TOMM5: variants seen among roughly 807,000 people sequenced by gnomAD.
TOMM5 encodes translocase of outer mitochondrial membrane 5.
In TOMM5, 1 loss-of-function variant was observed where a neutral mutation model predicts 4.8. The observed-to-expected ratio is 0.21, with a 90% CI of 0.07 to 0.99. The LOEUF (loss-of-function observed/expected upper bound fraction) is 0.99. Ranked by LOEUF, TOMM5 falls within the 50% of genes least tolerant of loss-of-function variation. The pLI is 0.60. For missense variants in TOMM5, 60 were observed against 66.6 expected (o/e 0.90, Z 0.35); for synonymous variants, 26 against 26.7 (o/e 0.97, Z 0.08).
At chr9:37,589,630 A>T (rs559981318) in intron 1 of TOMM5, among the ~76,000 whole-genome samples, 4 of 151,940 alleles carry the variant, frequency 2.6e-5, no homozygotes, top group South Asian at 2.1e-4. Flanking sequence ...TTATTTATTT[A>T]TTTTTTTCAG....
chr9:37,590,904 AC>A, intron 1 of TOMM5, among the ~76,000 whole-genome samples: 1 of 152,370 alleles, frequency 6.6e-6, no homozygotes, highest in East Asian at 1.9e-4. Context: ...CCTAAGCCCA[AC>A]ATGAGCCTTC....
Position 37,588,471 on chromosome 9 carries a change from G to A in TOMM5, c.*427C>T. 1 of 281,972 alleles carries A rather than the reference G, an allele frequency of 3.5e-6. No homozygotes were observed. The highest frequency in any genetic ancestry group is 8.9e-5 in the East Asian group (1 of 11,248). 17.5% of individuals were successfully genotyped at this position (281,972 alleles called of 1,614,324 possible). On this transcript the variant is annotated 3_prime_UTR_variant, in exon 2 of 2. Coordinates refer to ENST00000321301, the MANE Select transcript of TOMM5 (RefSeq NM_001001790.3). ...ACTAATAATGATCCTGTGCTTAAAT[G>A]TCATTGTGGTTGTGTGCTGATTTCC...
intron 1 of TOMM5, among the ~76,000 whole-genome samples, chr9:37,591,374 T>G (rs1346351697): frequency 6.6e-6 from 1 of 152,128 alleles, no homozygotes; most frequent in Non-Finnish European, 1.5e-5. Context: ...GCAAAACTTT[T>G]TGGATTTCAA....
chr9:37,589,976 A>G (rs575298267), intron 1 of TOMM5, among the ~76,000 whole-genome samples: 5 of 152,328 alleles, frequency 3.3e-5, no homozygotes, highest in Admixed American at 3.3e-4. Context: ...TCCAACAGAA[A>G]CTTATTTAGC....
intron 1 of TOMM5, 127 bp downstream of exon 1, chr9:37,592,285 G>A: frequency 6.4e-7 from 1 of 1,556,850 alleles, no homozygotes; most frequent in Non-Finnish European, 8.7e-7. Context: ...CGCCTTCAAC[G>A]CGCACCCTCC....
At chr9:37,590,614 T>C (rs1039096900) in intron 1 of TOMM5, among the ~76,000 whole-genome samples, 1 of 152,198 alleles carries the variant, frequency 6.6e-6, no homozygotes, top group African/African-American at 2.4e-5. Flanking sequence ...GGGTATATTG[T>C]ATAATATACA....
At chr9:37,590,809 C>T (rs1823088161) in intron 1 of TOMM5, among the ~76,000 whole-genome samples, 1 of 152,138 alleles carries the variant, frequency 6.6e-6, no homozygotes, top group African/African-American at 2.4e-5. Context: ...TTCCCCAAGA[C>T]TCGCTCTTCT....
rs918269073 is a variant in TOMM5 at position 37,592,109 on chromosome 9, C to T, written c.121+303G>A. The T allele has an allele frequency of 2.7e-5, 29 of 1,083,550 alleles. No homozygotes were observed. The African/African-American group carries it at 4.1e-4, about 15-fold the overall frequency. 67.1% of individuals were successfully genotyped at this position (1,083,550 alleles called of 1,614,324 possible). A position where few individuals can be genotyped will look rare whatever the true frequency, so the allele number is the denominator to read the frequency against. On this transcript the variant is annotated intron_variant, in intron 1 of 1. Coordinates refer to ENST00000321301, the MANE Select transcript of TOMM5 (RefSeq NM_001001790.3). ...ACCCCAAATGATCCGCCCGCCTCGG[C>T]TTCACAAAGTGCTGGGTGGGATTAC...
Position 37,588,658 on chromosome 9 carries a change from G to A in TOMM5, c.*240C>T. On this transcript the variant is annotated 3_prime_UTR_variant, in exon 2 of 2. Transcript: ENST00000321301. ...TTACAATTATACCAGTATTGTCAGA[G>A]GCCAAACGTCACAGGGATAAGGGTA... The A allele has an allele frequency of 3.0e-6, 2 of 669,594 alleles. No homozygotes were observed. Among genetic ancestry groups the A allele is most frequent in the South Asian group, 1.5e-5 (1 of 65,020 alleles). 41.5% of individuals were successfully genotyped at this position (669,594 alleles called of 1,614,324 possible). A position where few individuals can be genotyped will look rare whatever the true frequency, so the allele number is the denominator to read the frequency against.
chr9:37,592,356 G>C (rs1243973934), intron 1 of TOMM5, 56 bp downstream of exon 1: 2 of 1,611,458 alleles, frequency 1.2e-6, no homozygotes, highest in African/African-American at 2.7e-5. Flanking sequence ...GAGTTAAGGG[G>C]TGCCCGTCGG....
At chr9:37,591,731 A>G (rs556302039) in intron 1 of TOMM5, among the ~76,000 whole-genome samples, 1 of 151,500 alleles carries the variant, frequency 6.6e-6, no homozygotes, top group African/African-American at 2.4e-5. Context: ...AAAGGGAAGG[A>G]ACCTGGTACT....
In TOMM5 at chr9:37,592,432, T is replaced by C. The variant is rs779919573; in HGVS notation, c.101A>G (p.Tyr34Cys). Residue 34 changes from tyrosine (Y) to cysteine (C), a missense_variant, in exon 1 of 2, where the codon TAC (tyrosine) becomes TGC (cysteine). Physicochemically the swap from Tyr to Cys is radical, Grantham distance 194. Transcript: ENST00000321301. ...CTCACTGACTCGCAGGAGGGCCACG[T>C]AGATGAGAAAGTTCCGTATGGAGGA... ...VISSIRNFLI[Y>C]VALLRVTPFI... 3 of 1,614,106 alleles carry C rather than the reference T, an allele frequency of 1.9e-6. No homozygotes were observed. The highest frequency in any genetic ancestry group is 2.5e-6 in the Non-Finnish European group (3 of 1,180,010).
Position 37,592,436 on chromosome 9 carries a change from T to C in TOMM5, c.97A>G (p.Ile33Val), listed in dbSNP as rs746782579. 2.1e-5 allele frequency: 34 copies of C among 1,613,642 alleles called. No homozygotes were observed. Among genetic ancestry groups the C allele is most frequent in the Non-Finnish European group, 2.9e-5 (34 of 1,179,700 alleles). Residue 33 changes from isoleucine (I) to valine (V), a missense_variant, in exon 1 of 2, where the codon ATC becomes GTC. Ile to Val is a conservative substitution (Grantham distance 29, BLOSUM62 3). Transcript: ENST00000321301. ...CTGACTCGCAGGAGGGCCACGTAGA[T>C]GAGAAAGTTCCGTATGGAGGAGATC... ...DVISSIRNFL[I>V]YVALLRVTPF...
chr9:37,591,143 GTTCTCATTTGTAAAA>G (rs1449467895), intron 1 of TOMM5, among the ~76,000 whole-genome samples: 1 of 152,024 alleles, frequency 6.6e-6, no homozygotes, highest in African/African-American at 2.4e-5. Context: ...TGAAAATCAA[GTTCTCATTTGTAAAA>G]TGATATAAAG....
intron 1 of TOMM5, among the ~76,000 whole-genome samples, chr9:37,589,475 G>C (rs1208381540): frequency 6.6e-6 from 1 of 152,100 alleles, no homozygotes; most frequent in Non-Finnish European, 1.5e-5. Flanking sequence ...CATGTACATA[G>C]AAATGTCTAG....
chr9:37,591,724 G>A (rs1218479774), intron 1 of TOMM5, among the ~76,000 whole-genome samples: 2 of 151,490 alleles, frequency 1.3e-5, no homozygotes, highest in African/African-American at 4.8e-5. Flanking sequence ...AGAAAAGAAA[G>A]GGAAGGAACC....
chr9:37,591,876 C>G (rs950309893), intron 1 of TOMM5, among the ~76,000 whole-genome samples: 1 of 152,102 alleles, frequency 6.6e-6, no homozygotes, highest in African/African-American at 2.4e-5. Context: ...TCTGCAAAAA[C>G]GAGGGAGTTC....
intron 1 of TOMM5, among the ~76,000 whole-genome samples, chr9:37,591,493 C>T (rs1290003311): frequency 6.6e-6 from 1 of 151,814 alleles, no homozygotes; most frequent in African/African-American, 2.4e-5. Context: ...GAGTTCGAGA[C>T]CGGCCTGGCC....
intron 1 of TOMM5, 39 bp downstream of exon 1, chr9:37,592,373 C>A: frequency 6.2e-7 from 1 of 1,613,338 alleles, no homozygotes. Context: ...TCGGTGAGCT[C>A]CCCGCTGGTC....
Sources: gnomAD v4.1 joint callset for allele counts (sites outside exome capture counted in the v4.1 genomes callset) on GRCh38, gnomAD v4.1.1 for gene constraint, MANE v1.5 for transcripts, NCBI Gene and HGNC (gene_info 2026-07-23, HGNC 2026-07-21) for gene names.